SKAP1: variants seen among roughly 807,000 people sequenced by gnomAD.
The protein encoded by SKAP1 is src kinase-associated phosphoprotein 1.
Under a neutral mutation model 58.5 loss-of-function variants are expected in SKAP1, and 44 were observed. The ratio of observed to expected loss-of-function variants is 0.75; its 90% CI spans 0.59 to 0.97. The LOEUF (loss-of-function observed/expected upper bound fraction) is 0.97. Ranked by LOEUF, SKAP1 falls within the 50% of genes least tolerant of loss-of-function variation. The pLI, the probability that SKAP1 is intolerant of heterozygous loss-of-function variation, is 0.00. For missense variants in SKAP1, 390 were observed against 435.2 expected (o/e 0.90, Z 0.92); for synonymous variants, 127 against 149.7 (o/e 0.85, Z 1.11).
chr17:48,262,937 A>G (rs1177667637), intron 4 of SKAP1, among the ~76,000 whole-genome samples: 1 of 152,238 alleles, frequency 6.6e-6, no homozygotes, highest in Non-Finnish European at 1.5e-5. Flanking sequence ...AAGGAAAAAG[A>G]AGCTAAAAGA....
chr17:48,250,981 T>A (rs1414319914), intron 4 of SKAP1, among the ~76,000 whole-genome samples: 1 of 152,202 alleles, frequency 6.6e-6, no homozygotes, highest in Non-Finnish European at 1.5e-5. Flanking sequence ...AACTCGTGTT[T>A]TGTAATATTA....
intron 3 of SKAP1, among the ~76,000 whole-genome samples, chr17:48,351,398 T>C (rs1326906411): frequency 1.3e-5 from 2 of 152,232 alleles, no homozygotes; most frequent in South Asian, 2.1e-4. Flanking sequence ...AATTCTTCTC[T>C]GTTCTATACA....
At chr17:48,433,538 C>T (rs574363688), upstream of SKAP1, among the ~76,000 whole-genome samples, 2 of 152,182 alleles carry the variant, frequency 1.3e-5, no homozygotes, top group Non-Finnish European at 2.9e-5. Context: ...AAGATCTTAG[C>T]ATCCTCTTCT....
intron 4 of SKAP1, among the ~76,000 whole-genome samples, chr17:48,268,970 A>G (rs974916179): frequency 1.3e-5 from 2 of 152,160 alleles, no homozygotes; most frequent in African/African-American, 4.8e-5. Context: ...TTCTAGAGCT[A>G]CATAAGTCCT....
rs561559603 is a variant in SKAP1 at position 48,157,473 on chromosome 17, G to C, written c.978+4996C>G. ...TGGTCTTGAACTCCTGACCTCAGGTGATCTGCCCGCCTCGGCCTCCCAAAG... is the reference window on the plus strand; with the variant it reads ...TGGTCTTGAACTCCTGACCTCAGGTCATCTGCCCGCCTCGGCCTCCCAAAG... On this transcript the variant is annotated intron_variant, in intron 11 of 12. Coordinates refer to ENST00000336915, the MANE Select transcript of SKAP1 (RefSeq NM_003726.4). 5.0e-4 allele frequency among the ~76,000 whole-genome samples: 75 copies of C among 151,144 alleles called. 1 individual carries two copies. Among genetic ancestry groups the C allele is most frequent in the Admixed American group, 1.3e-3 (20 of 15,158 alleles).
intron 1 of SKAP1, among the ~76,000 whole-genome samples, chr17:48,423,311 T>C (rs7207826): frequency 0.33 from 50,090 of 151,942 alleles, 8,975 homozygotes; most frequent in African/African-American, 0.46. Flanking sequence ...AATGGCACAA[T>C]TTTTAGAGGC....
At chr17:48,388,517 C>T (rs149293943) in intron 2 of SKAP1, among the ~76,000 whole-genome samples, 49 of 152,244 alleles carry the variant, frequency 3.2e-4, no homozygotes, top group Admixed American at 8.5e-4. Context: ...TGAAAGAACA[C>T]ACATGTACAC....
At chr17:48,303,572 C>A (rs1348429664) in intron 4 of SKAP1, among the ~76,000 whole-genome samples, 1 of 152,144 alleles carries the variant, frequency 6.6e-6, no homozygotes, top group Non-Finnish European at 1.5e-5. Context: ...ATAAAGGAGG[C>A]AGACTTTAAA....
At chr17:48,230,104 C>T (rs2065110663) in intron 4 of SKAP1, among the ~76,000 whole-genome samples, 1 of 152,108 alleles carries the variant, frequency 6.6e-6, no homozygotes, top group African/African-American at 2.4e-5. Context: ...GCAGGTCAGG[C>T]ATACTTGTCC....
At chr17:48,213,281 C>T (rs891257655) in intron 4 of SKAP1, among the ~76,000 whole-genome samples, 13 of 140,932 alleles carry the variant, frequency 9.2e-5, no homozygotes, top group African/African-American at 1.6e-4. Context: ...TTGAACACCA[C>T]GGAGGTTGCA....
chr17:48,408,644 T>C (rs1295769034), intron 1 of SKAP1, among the ~76,000 whole-genome samples: 3 of 152,212 alleles, frequency 2.0e-5, no homozygotes, highest in Admixed American at 2.0e-4. Context: ...TTTCATTGTA[T>C]ATTTCTTTAA....
intron 1 of SKAP1, among the ~76,000 whole-genome samples, chr17:48,399,611 T>A (rs1409538439): frequency 2.0e-5 from 3 of 151,904 alleles, no homozygotes; most frequent in Non-Finnish European, 2.9e-5. Context: ...AGATAATTTT[T>A]AAAAAATTGG....
At chr17:48,351,472 A>G (rs1207952119) in intron 3 of SKAP1, among the ~76,000 whole-genome samples, 5 of 151,812 alleles carry the variant, frequency 3.3e-5, no homozygotes, top group Non-Finnish European at 7.4e-5. Flanking sequence ...AATTCAATGT[A>G]TAAATATTCC....
At chr17:48,385,290 G>A (rs1476964598) in intron 2 of SKAP1, among the ~76,000 whole-genome samples, 1 of 147,596 alleles carries the variant, frequency 6.8e-6, no homozygotes, top group African/African-American at 2.5e-5. Flanking sequence ...GCTACTCTAG[G>A]CTTCTATTTC....
intron 4 of SKAP1, among the ~76,000 whole-genome samples, chr17:48,294,844 A>G (rs992683362): frequency 1.7e-4 from 26 of 152,204 alleles, no homozygotes; most frequent in Non-Finnish European, 1.5e-5. Flanking sequence ...TATAGTAGCA[A>G]CAGTTACTTT....
At position 48,305,824 on chromosome 17, in the gene SKAP1, A is replaced by T. The variant is rs990193515; in HGVS notation, c.280+40081T>A. ...AATTTGCTAGAGGCAGACTGGGAGA[A>T]TTTCCTGATTCTTGCTTACATTATA... On this transcript the variant is annotated intron_variant, in intron 4 of 12. Coordinates refer to ENST00000336915, the MANE Select transcript of SKAP1 (RefSeq NM_003726.4). Among the ~76,000 whole-genome samples, 5 of 152,168 alleles carry T rather than the reference A, an allele frequency of 3.3e-5. No individual in the cohort carries two copies. The East Asian group carries it at 7.7e-4, about 23-fold the overall frequency.
At chr17:48,154,842 C>T (rs548771773) in intron 11 of SKAP1, among the ~76,000 whole-genome samples, 20 of 151,932 alleles carry the variant, frequency 1.3e-4, no homozygotes, top group Non-Finnish European at 2.4e-4. Flanking sequence ...GCAGATCACT[C>T]GAGGCCAGGA....
intron 4 of SKAP1, among the ~76,000 whole-genome samples, chr17:48,223,063 C>CA (rs71141973): frequency 0.14 from 9,623 of 69,976 alleles, 1,185 homozygotes; most frequent in East Asian, 0.39. Flanking sequence ...GACTCCGTCT[C>CA]AAAAAAAAAA....
intron 10 of SKAP1, among the ~76,000 whole-genome samples, chr17:48,168,149 C>A (rs2064163385): frequency 6.6e-6 from 1 of 152,144 alleles, no homozygotes; most frequent in African/African-American, 2.4e-5. Flanking sequence ...AATCCCTTCC[C>A]CCCTATTCTG....
Sources: allele counts gnomAD v4.1 joint callset (sites outside exome capture counted in the v4.1 genomes callset), GRCh38; gene constraint gnomAD v4.1.1; transcripts MANE v1.5; gene names NCBI Gene and HGNC (gene_info 2026-07-23, HGNC 2026-07-21).